Variants in CNBD1 observed in about 807,000 individuals in gnomAD.
CNBD1 encodes cyclic nucleotide-binding domain-containing protein 1.
Under a neutral mutation model 54.4 loss-of-function variants are expected in CNBD1, and 71 were observed. The ratio of observed to expected loss-of-function variants is 1.30; its 90% CI spans 1.08 to 1.59. The LOEUF is 1.59. Ranked by LOEUF, CNBD1 falls within the 40% of genes most tolerant of loss-of-function variation. The pLI is 0.00. For missense variants in CNBD1, 659 were observed against 518.0 expected (o/e 1.27, Z -2.64); for synonymous variants, 182 against 170.7 (o/e 1.07, Z -0.51).
intron 4 of CNBD1, among the ~76,000 whole-genome samples, chr8:87,162,443 T>A (rs1812877187): frequency 6.6e-6 from 1 of 152,030 alleles, no homozygotes; most frequent in Non-Finnish European, 1.5e-5. Context: ...TGGAGAAATA[T>A]TAACTAGCAT....
chr8:87,389,766 C>T (rs1405431905), intron 2 of CNBD1, among the ~76,000 whole-genome samples: 1 of 152,078 alleles, frequency 6.6e-6, no homozygotes, highest in Non-Finnish European at 1.5e-5. Flanking sequence ...TCATATGGAA[C>T]CAAAAAGGAG....
intron 4 of CNBD1, among the ~76,000 whole-genome samples, chr8:87,177,301 T>G (rs1157334415): frequency 6.6e-6 from 1 of 152,194 alleles, no homozygotes; most frequent in African/African-American, 2.4e-5. Context: ...GTTTTGCCAC[T>G]TACCAAGAAT....
At chr8:87,045,305 A>G (rs936250703) in intron 4 of CNBD1, among the ~76,000 whole-genome samples, 1 of 152,204 alleles carries the variant, frequency 6.6e-6, no homozygotes, top group Non-Finnish European at 1.5e-5. Flanking sequence ...AACTAGGTCT[A>G]AAAAGAAGAC....
chr8:87,138,857 G>C (rs1010260809), intron 4 of CNBD1, among the ~76,000 whole-genome samples: 2 of 152,180 alleles, frequency 1.3e-5, no homozygotes, highest in Admixed American at 6.5e-5. Flanking sequence ...CCTGGTGAAT[G>C]AATCAACAAA....
chr8:87,270,415 A>G (rs947259055), intron 6 of CNBD1, among the ~76,000 whole-genome samples: 8 of 152,038 alleles, frequency 5.3e-5, no homozygotes, highest in African/African-American at 1.7e-4. Context: ...ACAATGAGAT[A>G]CCATCTCACG....
intron 5 of CNBD1, among the ~76,000 whole-genome samples, chr8:87,220,546 G>A (rs1586338565): frequency 7.9e-6 from 1 of 127,302 alleles, no homozygotes; most frequent in South Asian, 2.6e-4. Context: ...TTAATTCATT[G>A]CTGTGATTCA....
At chr8:87,029,206 T>A (rs1312159175) in intron 4 of CNBD1, among the ~76,000 whole-genome samples, 1 of 152,214 alleles carries the variant, frequency 6.6e-6, no homozygotes, top group Non-Finnish European at 1.5e-5. Context: ...TTACTCTCCA[T>A]TTGAAATCTG....
intron 7 of CNBD1, among the ~76,000 whole-genome samples, chr8:87,286,182 C>A (rs1188249777): frequency 1.3e-5 from 2 of 152,076 alleles, no homozygotes; most frequent in Non-Finnish European, 2.9e-5. Context: ...ACAAAAAATT[C>A]TTTATGTTTT....
At chr8:87,384,794 G>A (rs1033053231), downstream of CNBD1, among the ~76,000 whole-genome samples, 7 of 152,200 alleles carry the variant, frequency 4.6e-5, no homozygotes, top group East Asian at 1.4e-3. Flanking sequence ...GAACAATATA[G>A]GTAGAGTGAA....
chr8:86,987,082 A>C (rs1563848615), intron 4 of CNBD1, among the ~76,000 whole-genome samples: 1 of 152,158 alleles, frequency 6.6e-6, no homozygotes, highest in East Asian at 1.9e-4. Flanking sequence ...ATAGCATTGA[A>C]TCTGTAAATT....
At chr8:86,891,982 T>C (rs1808774857) in intron 2 of CNBD1, among the ~76,000 whole-genome samples, 1 of 152,006 alleles carries the variant, frequency 6.6e-6, no homozygotes. Flanking sequence ...CTTTTATACT[T>C]ATAAGATCCA....
intron 4 of CNBD1, among the ~76,000 whole-genome samples, chr8:86,981,102 G>T (rs374363006): frequency 2.0e-5 from 3 of 152,244 alleles, no homozygotes; most frequent in African/African-American, 7.2e-5. Flanking sequence ...TTTAAAAGTA[G>T]AGAATATAAT....
chr8:87,371,892 GC>G (rs1379466857), intron 10 of CNBD1, among the ~76,000 whole-genome samples: 2 of 151,840 alleles, frequency 1.3e-5, no homozygotes, highest in Admixed American at 6.6e-5. Context: ...TACTGAATGG[GC>G]AAAAACTGGA....
chr8:87,232,527 T>C (rs767897333), intron 5 of CNBD1, among the ~76,000 whole-genome samples: 5 of 152,174 alleles, frequency 3.3e-5, no homozygotes, highest in Non-Finnish European at 7.4e-5. Context: ...TTTGTATAAG[T>C]ATGGGTGATT....
chr8:87,421,909 T>A lies in CNBD1; in HGVS notation c.214-6637T>A, dbSNP rs1165310697. The stretch of plus-strand genomic sequence containing the variant: ...CCCACCAACAGTGTAAAAGTGTTCC[T>A]ATTTCTCCACATCCTCTCCAGCACC... On this transcript the variant is annotated intron_variant, in intron 2 of 7. Transcript: ENST00000521593. Among the ~76,000 whole-genome samples the A allele has an allele frequency of 6.2e-3, 924 of 147,882 alleles. 14 individuals carry two copies. Among genetic ancestry groups the A allele is most frequent in the African/African-American group, 0.022 (870 of 38,990 alleles).
intron 4 of CNBD1, among the ~76,000 whole-genome samples, chr8:87,142,262 G>A (rs1445422717): frequency 6.6e-6 from 1 of 152,134 alleles, no homozygotes; most frequent in Non-Finnish European, 1.5e-5. Flanking sequence ...GTAAAATTCT[G>A]TGAAGAAAAG....
intron 4 of CNBD1, among the ~76,000 whole-genome samples, chr8:87,152,156 T>A (rs73263923): frequency 0.019 from 2,899 of 151,964 alleles, 93 homozygotes; most frequent in African/African-American, 0.064. Flanking sequence ...TAAAAAAACC[T>A]GTAAGTTACA....
intron 4 of CNBD1, among the ~76,000 whole-genome samples, chr8:87,179,585 G>A (rs1813268023): frequency 6.6e-6 from 1 of 152,156 alleles, no homozygotes; most frequent in South Asian, 2.1e-4. Flanking sequence ...CCAAATGTAA[G>A]GATTGATCCA....
chr8:86,895,173 T>TG (rs1037659602), intron 2 of CNBD1, among the ~76,000 whole-genome samples: 1 of 152,096 alleles, frequency 6.6e-6, no homozygotes, highest in Non-Finnish European at 1.5e-5. Flanking sequence ...GCATGAATTT[T>TG]GGGGGGCACA....
Sources: gnomAD v4.1 joint callset for allele counts (sites outside exome capture counted in the v4.1 genomes callset) on GRCh38, gnomAD v4.1.1 for gene constraint, MANE v1.5 for transcripts, NCBI Gene and HGNC (gene_info 2026-07-23, HGNC 2026-07-21) for gene names.